The following CTNNA3 variants were observed in gnomAD, a reference collection of about 807,000 sequenced individuals.
CTNNA3 encodes the protein catenin alpha 3.
CTNNA3 carries 76 observed loss-of-function variants against 95.7 expected under a neutral mutation model. That is an observed-to-expected ratio of 0.79 (90% CI 0.66 to 0.96). The LOEUF (loss-of-function observed/expected upper bound fraction) is 0.96, where lower values mean the gene tolerates loss of function less well. Among genes scored for constraint, CTNNA3 ranks in the 40% least tolerant of loss-of-function variants. The probability of loss-of-function intolerance (pLI) is 0.00; values close to 1 mark genes in which losing one functional copy is unlikely to be tolerated. For missense variants in CTNNA3, 1,191 were observed against 1,089.8 expected, an observed-to-expected ratio of 1.09 and a Z score of -1.31; for synonymous variants, 431 against 374.4, an observed-to-expected ratio of 1.15 and a Z score of -1.74.
At chr10:66,361,409 ACTTCC>A (rs975768685) in intron 12 of CTNNA3, among the ~76,000 whole-genome samples, 2 of 97,402 alleles carry the variant, frequency 2.1e-5, no homozygotes, top group African/African-American at 8.4e-5. Context: ...TTCCACTTCC[ACTTCC>A]CTTCCCTTTC....
intron 5 of CTNNA3, among the ~76,000 whole-genome samples, chr10:67,365,491 A>G (rs941421895): frequency 6.6e-6 from 1 of 152,242 alleles, no homozygotes; most frequent in Admixed American, 6.5e-5. Flanking sequence ...CAAAGGGCTA[A>G]TATCCAGAAT....
intron 13 of CTNNA3, among the ~76,000 whole-genome samples, chr10:66,174,138 G>GT (rs541217569): frequency 6.6e-6 from 1 of 152,290 alleles, no homozygotes. Flanking sequence ...GCAAAGTTAA[G>GT]TAACTTTCCC....
intron 13 of CTNNA3, among the ~76,000 whole-genome samples, chr10:66,187,580 C>T (rs1392060919): frequency 6.6e-6 from 1 of 151,650 alleles, no homozygotes; most frequent in African/African-American, 2.4e-5. Flanking sequence ...TGTACCACAA[C>T]GTGCACCCTG....
intron 5 of CTNNA3, among the ~76,000 whole-genome samples, chr10:67,352,503 C>A (rs1842672073): frequency 6.6e-6 from 1 of 151,674 alleles, no homozygotes; most frequent in Non-Finnish European, 1.5e-5. Flanking sequence ...CTTACTGAAA[C>A]CTAAGATCCC....
intron 7 of CTNNA3, among the ~76,000 whole-genome samples, chr10:66,897,132 T>C (rs1564750264): frequency 6.6e-6 from 1 of 152,118 alleles, no homozygotes; most frequent in Non-Finnish European, 1.5e-5. Flanking sequence ...AATGTCTGCT[T>C]TGTGTGAAAA....
intron 5 of CTNNA3, among the ~76,000 whole-genome samples, chr10:67,322,500 G>C (rs73266257): frequency 0.01 from 1,533 of 152,244 alleles, 14 homozygotes; most frequent in African/African-American, 0.035. Context: ...TTCTGCTTTA[G>C]TTTGCTAAGA....
chr10:66,994,674 A>G (rs546420489), intron 7 of CTNNA3, among the ~76,000 whole-genome samples: 6 of 152,328 alleles, frequency 3.9e-5, no homozygotes, highest in Non-Finnish European at 7.4e-5. Context: ...ACCACCAAAC[A>G]GAATTTTCAA....
intron 15 of CTNNA3, among the ~76,000 whole-genome samples, chr10:66,017,558 C>T (rs1452573621): frequency 1.3e-5 from 2 of 152,040 alleles, no homozygotes; most frequent in South Asian, 2.1e-4. Context: ...CACTATAGTG[C>T]TATAGCTGTG....
chr10:67,295,425 T>C lies in CTNNA3; in HGVS notation c.580-75555A>G, dbSNP rs566952155. ...ATACAGTCACGGGCATGGTAAGATA[T>C]ACAGGTACTTTCTAAGTTGCTTCAT... On this transcript the variant is annotated intron_variant, in intron 5 of 17. Transcript: ENST00000433211. 1.4e-4 allele frequency among the ~76,000 whole-genome samples: 22 copies of C among 152,284 alleles called. No homozygotes were observed. The South Asian group carries it at 4.3e-3, about 30-fold the overall frequency.
chr10:66,599,259 C>T (rs1417124994), intron 10 of CTNNA3, among the ~76,000 whole-genome samples: 1 of 151,948 alleles, frequency 6.6e-6, no homozygotes, highest in African/African-American at 2.4e-5. Flanking sequence ...TGACAGTTGA[C>T]AGTATATTCC....
chr10:67,000,488 T>G (rs1851614232), intron 7 of CTNNA3, among the ~76,000 whole-genome samples: 1 of 152,192 alleles, frequency 6.6e-6, no homozygotes, highest in Admixed American at 6.5e-5. Context: ...ACACAAGGTC[T>G]TCCACTTAAT....
intron 10 of CTNNA3, among the ~76,000 whole-genome samples, chr10:66,553,023 T>A (rs951966610): frequency 6.6e-6 from 1 of 152,160 alleles, no homozygotes; most frequent in Non-Finnish European, 1.5e-5. Context: ...GCATGAAGTC[T>A]ATTTTCTCTG....
At chr10:67,072,584 G>A (rs1467780162) in intron 7 of CTNNA3, among the ~76,000 whole-genome samples, 1 of 152,168 alleles carries the variant, frequency 6.6e-6, no homozygotes, top group African/African-American at 2.4e-5. Context: ...GACTCAGCTG[G>A]GTTGGGGCTA....
At chr10:66,140,443 T>A (rs1206426771) in intron 13 of CTNNA3, among the ~76,000 whole-genome samples, 2 of 152,176 alleles carry the variant, frequency 1.3e-5, no homozygotes, top group Non-Finnish European at 2.9e-5. Flanking sequence ...AAATTTAGTC[T>A]CCTGACATTT....
rs1298112506 is a variant in CTNNA3 at position 67,471,870 on chromosome 10, G to C, written c.579+49972C>G. Among the ~76,000 whole-genome samples, 13 of 152,214 alleles carry C rather than the reference G, an allele frequency of 8.5e-5. No homozygotes were observed. In the East Asian group the frequency reaches 2.3e-3, roughly 27 times the overall value. On this transcript the variant is annotated intron_variant, in intron 5 of 17. Coordinates refer to ENST00000433211, the MANE Select transcript of CTNNA3 (RefSeq NM_013266.4). ...TAGGGTCTTTCTGCAAAAAGAATGA[G>C]AATGTTTGCTCCAAATATAAAAAAA...
At position 67,632,579 on chromosome 10, in the gene CTNNA3, G is replaced by A. The variant is rs139928386; in HGVS notation, c.99+14836C>T. Reference sequence around the variant, plus strand: ...GCGATGGTCCACCTGGGAGCAGCACGGAGCCAAATGAACCCCCACCCTGAG... The same window carrying A: ...GCGATGGTCCACCTGGGAGCAGCACAGAGCCAAATGAACCCCCACCCTGAG... On this transcript the variant is annotated intron_variant, in intron 2 of 17. Transcript: ENST00000433211. Among the ~76,000 whole-genome samples, 561 of 152,234 alleles carry A rather than the reference G, an allele frequency of 3.7e-3. 5 individuals are homozygous for A. Among genetic ancestry groups the A allele is most frequent in the African/African-American group, 0.013 (522 of 41,552 alleles).
chr10:66,359,235 G>A (rs1413469652), intron 12 of CTNNA3, among the ~76,000 whole-genome samples: 1 of 143,786 alleles, frequency 7.0e-6, no homozygotes, highest in East Asian at 1.9e-4. Context: ...GGTAAATGTT[G>A]ATAGATAGGA....
chr10:66,024,488 C>T (rs2079298097), intron 15 of CTNNA3, among the ~76,000 whole-genome samples: 2 of 152,126 alleles, frequency 1.3e-5, no homozygotes, highest in South Asian at 2.1e-4. Flanking sequence ...GTTGTATGAC[C>T]GTTTAACAAA....
At chr10:65,954,349 T>C (rs2077686874) in intron 17 of CTNNA3, among the ~76,000 whole-genome samples, 1 of 152,246 alleles carries the variant, frequency 6.6e-6, no homozygotes, top group South Asian at 2.1e-4. Context: ...CTGCTCACTC[T>C]GATGGTAGTT....
Sources: gnomAD v4.1 joint callset for allele counts (sites outside exome capture counted in the v4.1 genomes callset) on GRCh38, gnomAD v4.1.1 for gene constraint, MANE v1.5 for transcripts, NCBI Gene and HGNC (gene_info 2026-07-23, HGNC 2026-07-21) for gene names.